Variants in KCNJ6 observed in about 807,000 individuals in gnomAD.
The protein encoded by KCNJ6 is potassium inwardly rectifying channel subfamily J member 6, also known as G protein-activated inward rectifier potassium channel 2.
In KCNJ6, 9 loss-of-function variants were observed where a neutral mutation model predicts 34.2. The observed-to-expected ratio is 0.26, with a 90% CI of 0.16 to 0.46. The LOEUF (loss-of-function observed/expected upper bound fraction) is 0.46. Among genes scored for constraint, KCNJ6 ranks in the 20% least tolerant of loss-of-function variants. KCNJ6 has a pLI of 1.00. For missense variants in KCNJ6, 236 were observed against 531.3 expected, an observed-to-expected ratio of 0.44 and a Z score of 5.46; for synonymous variants, 196 against 207.1, an observed-to-expected ratio of 0.95 and a Z score of 0.46.
At chr21:37,730,783 C>T (rs2054880247) in intron 2 of KCNJ6, among the ~76,000 whole-genome samples, 1 of 152,164 alleles carries the variant, frequency 6.6e-6, no homozygotes, top group Non-Finnish European at 1.5e-5. Flanking sequence ...GAGACAGAGG[C>T]CAACGGTGGC....
At chr21:37,870,243 C>T (rs1469161610) in intron 1 of KCNJ6, among the ~76,000 whole-genome samples, 2 of 149,748 alleles carry the variant, frequency 1.3e-5, no homozygotes, top group African/African-American at 2.5e-5. Flanking sequence ...GCCCCAGCCA[C>T]CTGGCCTGCT....
At chr21:37,853,836 A>ATATATATG (rs1378905929) in intron 1 of KCNJ6, among the ~76,000 whole-genome samples, 2 of 118,898 alleles carry the variant, frequency 1.7e-5, no homozygotes, top group Non-Finnish European at 3.5e-5. Flanking sequence ...TAAGAGATAC[A>ATATATATG]TATATATATG....
intron 2 of KCNJ6, among the ~76,000 whole-genome samples, chr21:37,827,267 G>A (rs1339759543): frequency 6.6e-6 from 1 of 152,182 alleles, no homozygotes; most frequent in Middle Eastern, 3.2e-3. Flanking sequence ...TGTCCAAGGG[G>A]AGTGTGTGGT....
In KCNJ6 at chr21:37,624,949, T is replaced by C. The variant is rs546025651; in HGVS notation, c.*210A>G. The C allele has an allele frequency of 1.2e-5, 7 of 581,126 alleles. No homozygotes were observed. Among genetic ancestry groups the C allele is most frequent in the Non-Finnish European group, 2.1e-5 (7 of 329,586 alleles). 36.0% of individuals were successfully genotyped at this position (581,126 alleles called of 1,614,324 possible). A position where few individuals can be genotyped will look rare whatever the true frequency, so the allele number is the denominator to read the frequency against. Reference sequence around the variant, plus strand: ...GGCCACAAATGAGGGCACTTTGCACTTTCATCAAATCCATGTCTACCTTGT... The same window carrying C: ...GGCCACAAATGAGGGCACTTTGCACCTTCATCAAATCCATGTCTACCTTGT... On this transcript the variant is annotated 3_prime_UTR_variant, in exon 4 of 4. Coordinates refer to ENST00000609713, the MANE Select transcript of KCNJ6 (RefSeq NM_002240.5).
Position 37,613,374 on chromosome 21 carries a change from T to G in KCNJ6, c.*11785A>C, listed in dbSNP as rs2054249737. 1 of 152,360 alleles carries G rather than the reference T, an allele frequency of 6.6e-6. No individual in the cohort carries two copies. Among genetic ancestry groups the G allele is most frequent in the Non-Finnish European group, 1.5e-5 (1 of 68,046 alleles). The allele number at this position is 152,360 out of a possible 1,614,324, so 9.4% of individuals were successfully genotyped here. A position where few individuals can be genotyped will look rare whatever the true frequency, so the allele number is the denominator to read the frequency against. ...CAGTACAGCCACTTTGGAAGGCAGT[T>G]TGGCTGTGTCTTGCAAGACTAAATA... On this transcript the variant is annotated 3_prime_UTR_variant, in exon 4 of 4. Coordinates refer to ENST00000609713, the MANE Select transcript of KCNJ6 (RefSeq NM_002240.5).
At chr21:37,780,399 A>C (rs1234132739) in intron 2 of KCNJ6, among the ~76,000 whole-genome samples, 1 of 152,222 alleles carries the variant, frequency 6.6e-6, no homozygotes, top group Non-Finnish European at 1.5e-5. Flanking sequence ...GGCTACTTAA[A>C]CATCATGTAG....
At chr21:37,832,419 A>G (rs1463082876) in intron 2 of KCNJ6, among the ~76,000 whole-genome samples, 1 of 152,040 alleles carries the variant, frequency 6.6e-6, no homozygotes, top group Non-Finnish European at 1.5e-5. Flanking sequence ...CTCGGCCCTT[A>G]ACTCCCAGCC....
chr21:37,815,027 A>G (rs1315405157), intron 2 of KCNJ6, among the ~76,000 whole-genome samples: 4 of 152,004 alleles, frequency 2.6e-5, no homozygotes, highest in Non-Finnish European at 5.9e-5. Context: ...AAAGATAAAC[A>G]TCGCATGTTC....
intron 1 of KCNJ6, among the ~76,000 whole-genome samples, chr21:37,863,860 G>GT (rs56800970): frequency 1.2e-5 from 1 of 81,076 alleles, no homozygotes. Flanking sequence ...TTTTTTTTTT[G>GT]TTTTTTTTTT....
intron 2 of KCNJ6, among the ~76,000 whole-genome samples, chr21:37,818,927 GGAA>G (rs2055360965): frequency 6.6e-6 from 1 of 152,100 alleles, no homozygotes; most frequent in South Asian, 2.1e-4. Flanking sequence ...AGGTTTTTCA[GGAA>G]GTCAGAAATA....
At chr21:37,878,932 C>T (rs373777726) in intron 1 of KCNJ6, among the ~76,000 whole-genome samples, 44 of 152,256 alleles carry the variant, frequency 2.9e-4, no homozygotes, top group South Asian at 1.5e-3. Flanking sequence ...ATTATTTGTG[C>T]GTATGCCTGA....
chr21:37,829,431 T>C (rs1209722106), intron 2 of KCNJ6, among the ~76,000 whole-genome samples: 1 of 152,212 alleles, frequency 6.6e-6, no homozygotes, highest in Non-Finnish European at 1.5e-5. Flanking sequence ...GGAGAGGTGC[T>C]TCTGCACTTG....
At chr21:37,776,277 A>G (rs943016553) in intron 2 of KCNJ6, among the ~76,000 whole-genome samples, 1 of 152,186 alleles carries the variant, frequency 6.6e-6, no homozygotes, top group African/African-American at 2.4e-5. Flanking sequence ...TAGATATACA[A>G]TCATGTCATC....
At chr21:37,759,341 G>GA (rs1442878541) in intron 2 of KCNJ6, among the ~76,000 whole-genome samples, 2 of 152,200 alleles carry the variant, frequency 1.3e-5, no homozygotes, top group Non-Finnish European at 2.9e-5. Flanking sequence ...GGACTGCACT[G>GA]AACGGCAGAA....
Position 37,655,258 on chromosome 21 carries a change from AGAGAGAGAGAGAGAGAGAGAGAGAGAGT to A in KCNJ6, c.947-29802_947-29775del, listed in dbSNP as rs1410953257. Among the ~76,000 whole-genome samples the A allele has an allele frequency of 8.1e-5, 11 of 135,592 alleles. 1 individual carries two copies. Among genetic ancestry groups the A allele is most frequent in the African/African-American group, 3.5e-4 (11 of 31,424 alleles). The allele number at this position is 135,592 out of a possible 152,430, so 89.0% of individuals were successfully genotyped here. On this transcript the variant is annotated intron_variant, in intron 3 of 3. Coordinates refer to ENST00000609713, the MANE Select transcript of KCNJ6 (RefSeq NM_002240.5). ...GAGAGAGAGAGAGAGAGAGAGAGAG[AGAGAGAGAGAGAGAGAGAGAGAGAGAGT>A]GTAACCATGAAGAGGTAATTGATAC...
At chr21:37,829,980 G>A (rs1361876189) in intron 2 of KCNJ6, among the ~76,000 whole-genome samples, 2 of 152,158 alleles carry the variant, frequency 1.3e-5, no homozygotes, top group East Asian at 3.8e-4. Context: ...CCATGTTCTG[G>A]GAGAAAATGG....
chr21:37,833,516 C>A (rs1293334695), intron 2 of KCNJ6, among the ~76,000 whole-genome samples: 1 of 152,076 alleles, frequency 6.6e-6, no homozygotes, highest in Non-Finnish European at 1.5e-5. Context: ...GATGCAGTGT[C>A]AATATACCAT....
At position 37,857,403 on chromosome 21, in the gene KCNJ6, A is replaced by C. The variant is rs145381905; in HGVS notation, c.-27-16694T>G. On this transcript the variant is annotated intron_variant, in intron 1 of 3. Coordinates refer to ENST00000609713, the MANE Select transcript of KCNJ6 (RefSeq NM_002240.5). ...ACAAGATGAAGATGTGGTACTGGCT[A>C]TGAGAGCCTTCCTGGACAGTGTGTG... 3.6e-3 allele frequency among the ~76,000 whole-genome samples: 554 copies of C among 152,358 alleles called. 3 individuals are homozygous for C. Among genetic ancestry groups the C allele is most frequent in the African/African-American group, 0.012 (515 of 41,592 alleles).
At chr21:37,790,604 G>A (rs2055212263) in intron 2 of KCNJ6, among the ~76,000 whole-genome samples, 1 of 152,140 alleles carries the variant, frequency 6.6e-6, no homozygotes. Context: ...AAGGCCAAGT[G>A]CCTTCACTCT....
Sources: allele counts gnomAD v4.1 joint callset (sites outside exome capture counted in the v4.1 genomes callset), GRCh38; gene constraint gnomAD v4.1.1; transcripts MANE v1.5; gene names NCBI Gene and HGNC (gene_info 2026-07-23, HGNC 2026-07-21).